Variants in IL6ST observed in about 807,000 individuals in gnomAD.
The protein encoded by IL6ST is interleukin-6 receptor subunit beta.
Under a neutral mutation model 91.3 loss-of-function variants are expected in IL6ST, and 24 were observed. The observed-to-expected ratio is 0.26, with a 90% CI of 0.19 to 0.37. The LOEUF is 0.37. Ranked by LOEUF, IL6ST falls within the 10% of genes least tolerant of loss-of-function variation. IL6ST has a pLI of 1.00. For synonymous variants in IL6ST, 351 were observed against 373.6 expected, an observed-to-expected ratio of 0.94 and a Z score of 0.70; for missense variants, 914 against 1,078.5, an observed-to-expected ratio of 0.85 and a Z score of 2.14.
intron 1 of IL6ST, among the ~76,000 whole-genome samples, chr5:55,984,585 CA>C (rs1203981964): frequency 2.0e-5 from 3 of 152,164 alleles, no homozygotes; most frequent in Non-Finnish European, 4.4e-5. Context: ...TCCAAAGTCT[CA>C]AAAGGACTTC....
chr5:55,941,202 T>C lies in IL6ST; in HGVS notation c.2637A>G (p.Pro879=), dbSNP rs747390099. Residue 879 remains proline, a synonymous_variant, in exon 17 of 17, where the codon CCA becomes CCG. Coordinates refer to ENST00000381298, the MANE Select transcript of IL6ST (RefSeq NM_002184.4). ...QEVSAADAFG[P]GTEGQVERFE... ...ATCTTTCTACTTGTCCCTCAGTACCTGGACCAAAAGCATCTGCTGCAGAAA... is the reference window on the plus strand; with the variant it reads ...ATCTTTCTACTTGTCCCTCAGTACCCGGACCAAAAGCATCTGCTGCAGAAA... 6.2e-7 allele frequency: 1 copy of C among 1,614,058 alleles called. No individual in the cohort carries two copies. The highest frequency in any genetic ancestry group is 1.3e-5 in the African/African-American group (1 of 74,926).
At chr5:55,989,033 G>A (rs1404417592) in intron 1 of IL6ST, among the ~76,000 whole-genome samples, 1 of 151,510 alleles carries the variant, frequency 6.6e-6, no homozygotes, top group African/African-American at 2.4e-5. Flanking sequence ...AGCTGAGGTG[G>A]GACAACCACT....
At chr5:55,955,885 A>G (rs926593725) in intron 10 of IL6ST, 140 bp downstream of exon 10, 3 of 465,042 alleles carry the variant, frequency 6.5e-6, no homozygotes, top group Non-Finnish European at 1.1e-5. Context: ...TAAAATTTAA[A>G]AAATTAAAAA....
chr5:55,955,612 T>C (rs1447233725), intron 10 of IL6ST, among the ~76,000 whole-genome samples: 1 of 152,254 alleles, frequency 6.6e-6, no homozygotes, highest in East Asian at 1.9e-4. Context: ...ACCAGGTAAG[T>C]AATCAGAATA....
At chr5:55,982,935 G>T in intron 1 of IL6ST, 124 bp from the exon 2 acceptor site, 1 of 363,620 alleles carries the variant, frequency 2.8e-6, no homozygotes, top group Non-Finnish European at 4.9e-6. Flanking sequence ...CTTTAGATAT[G>T]TTCTGAGCTT....
At position 55,940,016 on chromosome 5, in the gene IL6ST, A is replaced by G. The variant is rs1195467027; in HGVS notation, c.*1066T>C. On this transcript the variant is annotated 3_prime_UTR_variant, in exon 17 of 17. Transcript: ENST00000381298. ...AATAAAAAAATTTAAATCTTTGCCT[A>G]CTTATTTAAAAATAAAAAAAATACT... is the stretch of plus-strand genomic sequence containing the variant. 5.3e-6 allele frequency: 1 copy of G among 190,170 alleles called. No homozygotes were observed. The highest frequency in any genetic ancestry group is 1.1e-5 in the Non-Finnish European group (1 of 94,434). 11.8% of individuals were successfully genotyped at this position (190,170 alleles called of 1,614,324 possible). A position where few individuals can be genotyped will look rare whatever the true frequency, so the allele number is the denominator to read the frequency against.
At chr5:55,964,364 T>A (rs368007724) in intron 5 of IL6ST, 52 bp from the exon 6 acceptor site, 2 of 1,365,128 alleles carry the variant, frequency 1.5e-6, no homozygotes, top group Admixed American at 2.0e-5. Flanking sequence ...CTGAAAAAAT[T>A]AGAGTGAAAA....
intron 5 of IL6ST, among the ~76,000 whole-genome samples, chr5:55,965,040 G>A (rs1038406333): frequency 1.3e-5 from 2 of 152,024 alleles, no homozygotes; most frequent in Non-Finnish European, 2.9e-5. Context: ...TTTTTGGATT[G>A]TTTTATATAA....
chr5:55,969,404 A>T (rs563200300), intron 4 of IL6ST, 146 bp downstream of exon 4: 34 of 570,596 alleles, frequency 6.0e-5, no homozygotes, highest in Non-Finnish European at 9.1e-5. Context: ...TGTGGTTCCT[A>T]CTTCTAAGCT....
chr5:55,992,743 G>A (rs910144564), intron 1 of IL6ST, among the ~76,000 whole-genome samples: 1 of 152,052 alleles, frequency 6.6e-6, no homozygotes, highest in Non-Finnish European at 1.5e-5. Context: ...CAGGTTTCAA[G>A]GCCAACTTCT....
Position 55,942,739 on chromosome 5 carries a change from G to A in IL6ST, c.1950C>T (p.His650=), listed in dbSNP as rs553384117. 8.1e-6 allele frequency: 13 copies of A among 1,601,658 alleles called. No homozygotes were observed. The African/African-American group carries it at 1.5e-4, about 18-fold the overall frequency. Residue 650 remains histidine (H), a synonymous_variant, in exon 16 of 17, where the codon CAC becomes CAT. Coordinates refer to ENST00000381298, the MANE Select transcript of IL6ST (RefSeq NM_002184.4). The part of the protein sequence containing the change: ...CFNKRDLIKK[H]IWPNVPDPSK... ...AAGGATCTGGAACATTAGGCCAGAT[G>A]TGTTTTTTAATTCTGAAGAGAAAAG... is the stretch of plus-strand genomic sequence containing the variant.
chr5:55,964,060 T>C (rs893786183), intron 6 of IL6ST, 86 bp downstream of exon 6: 48 of 624,574 alleles, frequency 7.7e-5, no homozygotes, highest in Non-Finnish European at 1.1e-4. Flanking sequence ...TACATTAAAA[T>C]CTTAAAAAAT....
At chr5:55,978,098 CCTA>C (rs1658476511) in intron 2 of IL6ST, 1 of 152,168 alleles carries the variant, frequency 6.6e-6, no homozygotes. Flanking sequence ...AACAAGTCAG[CCTA>C]CCACAGTGTC....
Position 55,957,266 on chromosome 5 carries a change from C to T in IL6ST, c.999G>A (p.Trp333Ter). ...GAGTATGGGATGGATCTATTTTATA[C>T]CAGAAACTTGGTGCTTTAGATGGTC... ...EDRPSKAPSF[W>*]YKIDPSHTQG... Residue 333 changes from tryptophan (W) to a stop codon, truncating the protein, a stop_gained, in exon 9 of 17, where the codon TGG becomes TGA. Coordinates refer to ENST00000381298, the MANE Select transcript of IL6ST (RefSeq NM_002184.4). LOFTEE classifies it high-confidence loss of function. 6.4e-7 allele frequency: 1 copy of T among 1,561,110 alleles called. No individual in the cohort carries two copies. The highest frequency in any genetic ancestry group is 1.4e-5 in the African/African-American group (1 of 72,204).
At chr5:55,962,837 G>A (rs1580821979) in intron 7 of IL6ST, among the ~76,000 whole-genome samples, 1 of 152,076 alleles carries the variant, frequency 6.6e-6, no homozygotes, top group African/African-American at 2.4e-5. Flanking sequence ...TTTCTAGGCT[G>A]GTAGTGGTAG....
At chr5:55,990,750 TTTTG>T (rs148448653) in intron 1 of IL6ST, among the ~76,000 whole-genome samples, 5,548 of 152,224 alleles carry the variant, frequency 0.036, 344 homozygotes, top group African/African-American at 0.13. Context: ...CACCCACTTT[TTTTG>T]TTTATTATAC....
intron 4 of IL6ST, among the ~76,000 whole-genome samples, chr5:55,969,208 C>A (rs1254817060): frequency 6.6e-6 from 1 of 151,726 alleles, no homozygotes; most frequent in East Asian, 1.9e-4. Flanking sequence ...AAAGGATTTA[C>A]TCCAGTATTT....
intron 2 of IL6ST, among the ~76,000 whole-genome samples, chr5:55,980,921 G>A (rs185074729): frequency 4.6e-5 from 7 of 152,160 alleles, no homozygotes; most frequent in Admixed American, 1.3e-4. Context: ...TAAAGATGGG[G>A]GTCTCACTAT....
At chr5:55,947,646 A>G (rs1025706646) in intron 14 of IL6ST, 57 bp from the exon 15 acceptor site, 15 of 991,544 alleles carry the variant, frequency 1.5e-5, no homozygotes, top group Admixed American at 9.4e-5. Flanking sequence ...ATGTTGACAT[A>G]TGAACTAAGA....
Sources: gnomAD v4.1 joint callset for allele counts (sites outside exome capture counted in the v4.1 genomes callset) on GRCh38, gnomAD v4.1.1 for gene constraint, MANE v1.5 for transcripts, NCBI Gene and HGNC (gene_info 2026-07-23, HGNC 2026-07-21) for gene names.